Variants in HMGCS2 observed in about 807,000 individuals in gnomAD.
HMGCS2 encodes hydroxymethylglutaryl-CoA synthase, mitochondrial.
Under a neutral mutation model 57.4 loss-of-function variants are expected in HMGCS2, and 50 were observed. That is an observed-to-expected ratio of 0.87 (90% CI 0.69 to 1.10). The LOEUF (loss-of-function observed/expected upper bound fraction) is 1.10. HMGCS2 is among the 50% of genes least tolerant of loss of function. The probability of loss-of-function intolerance (pLI) is 0.00; values close to 1 mark genes in which losing one functional copy is unlikely to be tolerated. For synonymous variants in HMGCS2, 254 were observed against 245.1 expected (o/e 1.04, Z -0.34); for missense variants, 627 against 636.5 (o/e 0.99, Z 0.16).
intron 5 of HMGCS2, 127 bp downstream of exon 5, chr1:119,757,146 C>G: frequency 6.7e-7 from 1 of 1,491,188 alleles, no homozygotes; most frequent in Non-Finnish European, 9.2e-7. Flanking sequence ...TGGGATTGTT[C>G]CTGTTCTGCT....
intron 1 of HMGCS2, among the ~76,000 whole-genome samples, chr1:119,768,529 G>A (rs1653314622): frequency 6.6e-6 from 1 of 152,204 alleles, no homozygotes; most frequent in Non-Finnish European, 1.5e-5. Flanking sequence ...CACAGCATGT[G>A]TCAGAGGTTT....
At chr1:119,765,162 G>A (rs1354438203) in intron 1 of HMGCS2, among the ~76,000 whole-genome samples, 4 of 152,140 alleles carry the variant, frequency 2.6e-5, no homozygotes, top group African/African-American at 9.7e-5. Context: ...AAGCTGGAGT[G>A]CAGTGGCGTG....
In HMGCS2 at chr1:119,752,696, G is replaced by A. The variant is rs768766929; in HGVS notation, c.1295-22C>T. Reference sequence around the variant, plus strand: ...GAGCCTGGGAAGCAAAAGCAAGATTGTTACACCTTTTTCATTGTCATTATC... The same window carrying A: ...GAGCCTGGGAAGCAAAAGCAAGATTATTACACCTTTTTCATTGTCATTATC... On this transcript the variant is annotated intron_variant, in intron 7 of 9. Transcript: ENST00000369406. The A allele has an allele frequency of 2.5e-6, 4 of 1,613,720 alleles. No homozygotes were observed. In the South Asian group the frequency reaches 3.3e-5, roughly 13 times the overall value.
chr1:119,759,794 C>T, intron 3 of HMGCS2, 70 bp downstream of exon 3: 1 of 1,584,478 alleles, frequency 6.3e-7, no homozygotes. Context: ...GCAGGTGTGC[C>T]AATGTGGGAT....
intron 1 of HMGCS2, among the ~76,000 whole-genome samples, chr1:119,766,907 G>A (rs1653250018): frequency 6.6e-6 from 1 of 152,142 alleles, no homozygotes; most frequent in Non-Finnish European, 1.5e-5. Context: ...TCAGCCCACC[G>A]AAGTTAAGAG....
At chr1:119,760,536 G>A (rs1653001869) in intron 2 of HMGCS2, among the ~76,000 whole-genome samples, 1 of 152,298 alleles carries the variant, frequency 6.6e-6, no homozygotes, top group East Asian at 1.9e-4. Context: ...ACCCAGTTCT[G>A]ACTGGATCCT....
Position 119,755,453 on chromosome 1 carries a change from G to T in HMGCS2, c.1161C>A (p.Tyr387Ter). The T allele has an allele frequency of 6.2e-7, 1 of 1,614,170 alleles. No individual in the cohort carries two copies. The highest frequency in any genetic ancestry group is 8.5e-7 in the Non-Finnish European group (1 of 1,180,028). Residue 387 changes from tyrosine to a stop codon, truncating the protein, a stop_gained, in exon 6 of 10, where the codon TAC becomes TAA. Transcript: ENST00000369406. LOFTEE classifies it high-confidence loss of function. ...GGGACAGAAGCGAGGCCAGGCACCC[G>T]TACAGGGATGAGGTGTACATGTTCC... is the stretch of plus-strand genomic sequence containing the variant. ...HNGNMYTSSL[Y>*]GCLASLLSHH...
rs587620971 is a variant in HMGCS2, at chr1:119,752,801, C to T, written c.1295-127G>A. The T allele has an allele frequency of 9.9e-5, 101 of 1,019,118 alleles. No individual in the cohort carries two copies. In the African/African-American group the frequency reaches 1.3e-3, roughly 13 times the overall value. 63.1% of individuals were successfully genotyped at this position (1,019,118 alleles called of 1,614,324 possible). On this transcript the variant is annotated intron_variant, in intron 7 of 9. Coordinates refer to ENST00000369406, the MANE Select transcript of HMGCS2 (RefSeq NM_005518.4). Reference sequence around the variant, plus strand: ...CTGGAGGAACGTGTGGTGTGTGTGGCTTAGAATACCAAGAAATGATAAGCA... The same window carrying T: ...CTGGAGGAACGTGTGGTGTGTGTGGTTTAGAATACCAAGAAATGATAAGCA...
In HMGCS2 at chr1:119,753,410, A is replaced by AACACAC. The variant is rs71074435; in HGVS notation, c.1188-30_1188-25dup. 0.029 allele frequency: 21,796 copies of AACACAC among 745,370 alleles called. 118 individuals carry two copies. Among genetic ancestry groups the AACACAC allele is most frequent in the Non-Finnish European group, 0.038 (15,621 of 409,996 alleles). 46.2% of individuals were successfully genotyped at this position (745,370 alleles called of 1,614,324 possible). On this transcript the variant is annotated intron_variant, in intron 6 of 9. Coordinates refer to ENST00000369406, the MANE Select transcript of HMGCS2 (RefSeq NM_005518.4). ...GGCTGTGGGGAAAGAAATCAAATAA[A>AACACAC]ACACACACACACACACACACACACA...
In HMGCS2 at chr1:119,752,674, C is replaced by A. The variant is rs1446564405; in HGVS notation, c.1295G>T (p.Gly432Val). The A allele has an allele frequency of 3.7e-6, 6 of 1,613,910 alleles. No individual in the cohort carries two copies. The African/African-American group carries it at 8.0e-5, about 22-fold the overall frequency. Residue 432 changes from glycine to valine, a missense_variant and splice_region_variant, in exon 8 of 10, where the codon GGC (glycine) becomes GTC (valine). Physicochemically the swap from Gly to Val is moderately radical, Grantham distance 109. Transcript: ENST00000369406. ...GGACACCAACTTGTCCAGGGGAGAG[C>A]CTGGGAAGCAAAAGCAAGATTGTTA... is the stretch of plus-strand genomic sequence containing the variant. ...SFRVSQDAAPGSPLDKLVSST... is the reference protein window; with the variant it reads ...SFRVSQDAAPVSPLDKLVSST...
Position 119,753,299 on chromosome 1 carries a change from T to C in HMGCS2, c.1275A>G (p.Val425=), listed in dbSNP as rs1652722253. The C allele has an allele frequency of 2.5e-6, 4 of 1,611,922 alleles. No individual in the cohort carries two copies. In the East Asian group the frequency reaches 6.7e-5, roughly 27 times the overall value. The part of the protein sequence containing the change: ...GLAASFFSFR[V]SQDAAPGSPL... The stretch of plus-strand genomic sequence containing the variant: ...ACTCACCTGGAGCAGCATCCTGGGA[T>C]ACTCGAAATGAAAAGAAACTTGCTG... The change falls in exon 7 of 10, where the codon GTA becomes GTG. Residue 425 remains valine (V), a synonymous_variant. Transcript: ENST00000369406.
rs2101272394 is a variant in HMGCS2, at chr1:119,764,024, G to T, written c.559+148C>A. On this transcript the variant is annotated intron_variant, in intron 2 of 9. Coordinates refer to ENST00000369406, the MANE Select transcript of HMGCS2 (RefSeq NM_005518.4). ...CTGTAAAGCTATATAAGTCTAAGTGGTTATTGTGGGATGATAGCAGCAGCT... is the reference window on the plus strand; with the variant it reads ...CTGTAAAGCTATATAAGTCTAAGTGTTTATTGTGGGATGATAGCAGCAGCT... 5.6e-6 allele frequency: 4 copies of T among 709,382 alleles called. No individual in the cohort carries two copies. In the South Asian group the frequency reaches 6.4e-5, roughly 11 times the overall value. The allele number at this position is 709,382 out of a possible 1,614,324, so 43.9% of individuals were successfully genotyped here.
At chr1:119,764,661 G>T in intron 1 of HMGCS2, 35 bp from the exon 2 acceptor site, 4 of 1,457,864 alleles carry the variant, frequency 2.7e-6, no homozygotes, top group South Asian at 2.3e-5. Context: ...TCCCACTAAT[G>T]GTCTGTAGAC....
chr1:119,762,801 T>A (rs1653091294), intron 2 of HMGCS2, among the ~76,000 whole-genome samples: 1 of 152,220 alleles, frequency 6.6e-6, no homozygotes, highest in African/African-American at 2.4e-5. Flanking sequence ...CACATTTTTT[T>A]AAAAGATGCA....
At chr1:119,756,711 C>T (rs186976392) in intron 5 of HMGCS2, among the ~76,000 whole-genome samples, 107 of 152,216 alleles carry the variant, frequency 7.0e-4, no homozygotes, top group African/African-American at 2.3e-3. Flanking sequence ...CTGGAACATC[C>T]CCATTTTATA....
intron 4 of HMGCS2, 58 bp from the exon 5 acceptor site, chr1:119,757,496 C>G: frequency 6.2e-7 from 1 of 1,612,644 alleles, no homozygotes. Flanking sequence ...ATTTAGATAT[C>G]CTCCCTGAGA....
At chr1:119,754,514 A>G (rs1353627527) in intron 6 of HMGCS2, among the ~76,000 whole-genome samples, 1 of 152,130 alleles carries the variant, frequency 6.6e-6, no homozygotes, top group Non-Finnish European at 1.5e-5. Flanking sequence ...CTTATGTTAG[A>G]TGCAGTACTT....
chr1:119,768,503 T>G (rs902487041), intron 1 of HMGCS2, among the ~76,000 whole-genome samples: 1 of 152,172 alleles, frequency 6.6e-6, no homozygotes, highest in Non-Finnish European at 1.5e-5. Context: ...GAGTAAAAGT[T>G]GCCATTGCTC....
chr1:119,755,950 G>T (rs933310473), intron 5 of HMGCS2, among the ~76,000 whole-genome samples: 4 of 151,824 alleles, frequency 2.6e-5, no homozygotes, highest in African/African-American at 9.7e-5. Context: ...ATTTGTAAAG[G>T]CTGAAGAATG....
Sources: allele counts gnomAD v4.1 joint callset (sites outside exome capture counted in the v4.1 genomes callset), GRCh38; gene constraint gnomAD v4.1.1; transcripts MANE v1.5; gene names NCBI Gene and HGNC (gene_info 2026-07-23, HGNC 2026-07-21).